The following PIK3AP1 variants were observed in gnomAD, a reference collection of about 807,000 sequenced individuals.
PIK3AP1 encodes phosphoinositide 3-kinase adapter protein 1.
PIK3AP1 carries 21 observed loss-of-function variants against 88.1 expected under a neutral mutation model. The observed-to-expected ratio is 0.24, with a 90% CI of 0.17 to 0.34. The LOEUF is 0.34. Among genes scored for constraint, PIK3AP1 ranks in the 10% least tolerant of loss-of-function variants. The pLI is 1.00. For missense variants in PIK3AP1, 828 were observed against 1,035.7 expected (o/e 0.80, Z 2.75); for synonymous variants, 398 against 400.0 (o/e 1.00, Z 0.06).
intron 2 of PIK3AP1, among the ~76,000 whole-genome samples, chr10:96,702,683 AATTT>A (rs1483282796): frequency 2.6e-5 from 4 of 151,476 alleles, no homozygotes; most frequent in African/African-American, 9.7e-5. Context: ...TGTGTTAATT[AATTT>A]GATTGTGATA....
intron 2 of PIK3AP1, among the ~76,000 whole-genome samples, chr10:96,673,574 C>T (rs1843876894): frequency 1.3e-5 from 2 of 152,164 alleles, no homozygotes; most frequent in Admixed American, 1.3e-4. Flanking sequence ...ATGTAAATTT[C>T]GTCCAAATGG....
Position 96,594,032 on chromosome 10 carries a change from T to C in PIK3AP1, c.*1545A>G, listed in dbSNP as rs1220409225. ...ATGGGAAACAAACACATTTTGAATATTTTTTAAAGAAGTATTTCTGATTCT... is the reference window on the plus strand; with the variant it reads ...ATGGGAAACAAACACATTTTGAATACTTTTTAAAGAAGTATTTCTGATTCT... On this transcript the variant is annotated 3_prime_UTR_variant, in exon 17 of 17. Coordinates refer to ENST00000339364, the MANE Select transcript of PIK3AP1 (RefSeq NM_152309.3). The surrounding 1 kb of genome is among the most constrained non-coding windows in gnomAD (Gnocchi z 4.6). The C allele has an allele frequency of 6.6e-6, 1 of 152,242 alleles. No individual in the cohort carries two copies. The highest frequency in any genetic ancestry group is 1.5e-5 in the Non-Finnish European group (1 of 68,048). 9.4% of individuals were successfully genotyped at this position (152,242 alleles called of 1,614,324 possible).
chr10:96,602,430 A>G (rs1187933976), intron 15 of PIK3AP1, 32 bp from the exon 16 acceptor site: 1 of 1,562,266 alleles, frequency 6.4e-7, no homozygotes, highest in Non-Finnish European at 8.8e-7. Context: ...AGAAAGGCGA[A>G]AACTACATTC....
intron 8 of PIK3AP1, among the ~76,000 whole-genome samples, chr10:96,644,729 C>A (rs551472212): frequency 6.6e-6 from 1 of 152,190 alleles, no homozygotes; most frequent in East Asian, 1.9e-4. Flanking sequence ...TTACCCCTCG[C>A]CCCCCAAAAA....
At position 96,651,294 on chromosome 10, in the gene PIK3AP1, C is replaced by G; in HGVS notation, c.942G>C (p.Leu314=). The change falls in exon 6 of 17, where the codon CTG becomes CTC. Residue 314 remains leucine, a synonymous_variant. Coordinates refer to ENST00000339364, the MANE Select transcript of PIK3AP1 (RefSeq NM_152309.3). Reference sequence around the variant, plus strand: ...CCAGCTGGTTGATTCCAAAGAGGTGCAGTCCGCTTGCAGGGATATTGTTCT... The same window carrying G: ...CCAGCTGGTTGATTCCAAAGAGGTGGAGTCCGCTTGCAGGGATATTGTTCT... ...SLKNNIPASG[L]HLFGINQLEE... 6.2e-7 allele frequency: 1 copy of G among 1,614,204 alleles called. No individual in the cohort carries two copies. The highest frequency in any genetic ancestry group is 8.5e-7 in the Non-Finnish European group (1 of 1,180,046).
At chr10:96,654,044 A>G (rs917052901) in intron 3 of PIK3AP1, among the ~76,000 whole-genome samples, 1 of 152,050 alleles carries the variant, frequency 6.6e-6, no homozygotes, top group Admixed American at 6.6e-5. Context: ...CTGCATCATA[A>G]CAAGATGCCC....
chr10:96,702,363 T>C (rs1220884980), intron 2 of PIK3AP1, among the ~76,000 whole-genome samples: 2 of 151,816 alleles, frequency 1.3e-5, no homozygotes, highest in Non-Finnish European at 2.9e-5. Context: ...GCTGGGCGTG[T>C]TGGCACGTGC....
intron 14 of PIK3AP1, among the ~76,000 whole-genome samples, chr10:96,606,561 C>T (rs76105994): frequency 0.021 from 3,217 of 152,320 alleles, 122 homozygotes; most frequent in African/African-American, 0.074. Context: ...AAGCTGATGA[C>T]TTACTTGCCC....
chr10:96,603,671 TACACACACACACAC>T (rs10528215), intron 15 of PIK3AP1: 14,587 of 163,018 alleles, frequency 0.089, 817 homozygotes, highest in Non-Finnish European at 0.13. Context: ...TACTACTTAA[TACACACACACACAC>T]ACACACACAC....
chr10:96,633,251 G>T (rs955780604), intron 8 of PIK3AP1: 1 of 563,820 alleles, frequency 1.8e-6, no homozygotes, highest in Non-Finnish European at 2.8e-6. Flanking sequence ...TTTATTGTAG[G>T]CAATGTTGCC....
intron 16 of PIK3AP1, among the ~76,000 whole-genome samples, chr10:96,600,801 C>T (rs1198315818): frequency 5.3e-5 from 8 of 152,198 alleles, no homozygotes; most frequent in African/African-American, 1.4e-4. Context: ...CTTCCTTATG[C>T]CCCATTAACA....
intron 2 of PIK3AP1, among the ~76,000 whole-genome samples, chr10:96,695,137 T>C (rs1844203892): frequency 6.6e-6 from 1 of 152,224 alleles, no homozygotes; most frequent in African/African-American, 2.4e-5. Flanking sequence ...TCAGAGATCT[T>C]TTCTGGCAAC....
At chr10:96,638,880 C>G (rs1019596303) in intron 8 of PIK3AP1, among the ~76,000 whole-genome samples, 3 of 152,118 alleles carry the variant, frequency 2.0e-5, no homozygotes, top group African/African-American at 7.2e-5. Flanking sequence ...AAGTTTCATG[C>G]CAGCTTGTTT....
chr10:96,629,930 A>AAAAAAAAAAAAAAAAAAAG (rs776780994), intron 8 of PIK3AP1, among the ~76,000 whole-genome samples: 1 of 13,726 alleles, frequency 7.3e-5, no homozygotes, highest in African/African-American at 1.8e-4. Context: ...AAAAAAAAAA[A>AAAAAAAAAAAAAAAAAAAG]AAGAAGAAGA....
intron 1 of PIK3AP1, among the ~76,000 whole-genome samples, chr10:96,717,491 C>T (rs1045208673): frequency 2.6e-5 from 4 of 152,062 alleles, no homozygotes; most frequent in African/African-American, 9.7e-5. Context: ...GAGCTTCCCA[C>T]CCCAGAAGTT....
In PIK3AP1 at chr10:96,648,789, G is replaced by C; in HGVS notation, c.1055C>G (p.Thr352Ser). ...FAAKYGLKNL[T>S]ALLLTCPGAL... The stretch of plus-strand genomic sequence containing the variant: ...TCCTGGGCAGGTGAGCAACAAGGCA[G>C]TGAGGTTCTTCAGTCCATACTTCGC... Residue 352 changes from threonine (T) to serine (S), a missense_variant, in exon 7 of 17, where the codon ACT becomes AGT. Physicochemically the swap from Thr to Ser is moderately conservative, Grantham distance 58. Transcript: ENST00000339364. 4 of 1,607,982 alleles carry C rather than the reference G, an allele frequency of 2.5e-6. No homozygotes were observed. The highest frequency in any genetic ancestry group is 3.4e-6 in the Non-Finnish European group (4 of 1,177,650).
At chr10:96,613,951 C>T (rs1038206610) in intron 13 of PIK3AP1, among the ~76,000 whole-genome samples, 1 of 152,198 alleles carries the variant, frequency 6.6e-6, no homozygotes, top group Non-Finnish European at 1.5e-5. Context: ...AGGGAGGTGA[C>T]ATATCTCGCC....
intron 2 of PIK3AP1, among the ~76,000 whole-genome samples, chr10:96,704,873 A>C (rs896092056): frequency 6.6e-6 from 1 of 152,196 alleles, no homozygotes; most frequent in Non-Finnish European, 1.5e-5. Context: ...AGCAAAAGAA[A>C]GTATAATTGA....
At chr10:96,694,743 T>G (rs1056020946) in intron 2 of PIK3AP1, among the ~76,000 whole-genome samples, 10 of 152,064 alleles carry the variant, frequency 6.6e-5, no homozygotes, top group African/African-American at 2.2e-4. Context: ...CTTGCTATAT[T>G]GCCCAGGCTG....
Sources: gnomAD v4.1 joint callset for allele counts (sites outside exome capture counted in the v4.1 genomes callset) on GRCh38, gnomAD v4.1.1 for gene constraint, Gnocchi (gnomAD v3.1) non-coding constraint, MANE v1.5 for transcripts, NCBI Gene and HGNC (gene_info 2026-07-23, HGNC 2026-07-21) for gene names.